RALGPS1: variants seen among roughly 807,000 people sequenced by gnomAD.
RALGPS1 encodes the protein Ral GEF with PH domain and SH3 binding motif 1, also known as ras-specific guanine nucleotide-releasing factor RalGPS1.
A neutral mutation model predicts 78.8 loss-of-function variants in RALGPS1; 19 were observed. The ratio of observed to expected loss-of-function variants is 0.24; its 90% CI spans 0.17 to 0.35. The LOEUF (loss-of-function observed/expected upper bound fraction) is 0.35, where lower values mean the gene tolerates loss of function less well. RALGPS1 is among the 10% of genes least tolerant of loss of function. The pLI is 1.00. For synonymous variants in RALGPS1, 228 were observed against 256.3 expected (o/e 0.89, Z 1.06); for missense variants, 454 against 688.3 (o/e 0.66, Z 3.81).
rs147975663 is a variant in RALGPS1, at chr9:126,990,254, C to T, written c.216+12509C>T. The T allele has an allele frequency of 5.4e-4, 258 of 474,170 alleles. 1 individual carries two copies. Among genetic ancestry groups the T allele is most frequent in the African/African-American group, 4.5e-3 (231 of 51,210 alleles). 29.4% of individuals were successfully genotyped at this position (474,170 alleles called of 1,614,324 possible). A position where few individuals can be genotyped will look rare whatever the true frequency, so the allele number is the denominator to read the frequency against. ...TGGGCAGTTTTCTCAGACCATCTCT[C>T]TCTGCTACACCAACCTAGTCTAATC... On this transcript the variant is annotated intron_variant, in intron 4 of 18. Coordinates refer to ENST00000259351, the MANE Select transcript of RALGPS1 (RefSeq NM_014636.3).
chr9:127,050,684 C>T (rs1005684089), intron 6 of RALGPS1, among the ~76,000 whole-genome samples: 2 of 152,056 alleles, frequency 1.3e-5, no homozygotes, highest in African/African-American at 2.4e-5. Flanking sequence ...CACCTTTTCC[C>T]TTCTTTTCCC....
At chr9:127,089,205 A>G in intron 8 of RALGPS1, 1 of 1,554,716 alleles carries the variant, frequency 6.4e-7, no homozygotes, top group Non-Finnish European at 8.9e-7. Flanking sequence ...CATAGTGCTC[A>G]GGGCTTTCGG....
chr9:127,136,650 C>T (rs950566300), intron 8 of RALGPS1, among the ~76,000 whole-genome samples: 3 of 151,934 alleles, frequency 2.0e-5, no homozygotes, highest in African/African-American at 7.2e-5. Flanking sequence ...CTGAGCTCAG[C>T]CCTGGCCCCC....
chr9:127,098,678 C>T (rs865905891), intron 8 of RALGPS1, among the ~76,000 whole-genome samples: 25 of 152,288 alleles, frequency 1.6e-4, no homozygotes, highest in African/African-American at 6.0e-4. Flanking sequence ...TTCCTCCTCT[C>T]TGGGGTTCTT....
intron 1 of RALGPS1, among the ~76,000 whole-genome samples, chr9:126,949,438 A>G (rs1346086209): frequency 3.3e-5 from 5 of 152,258 alleles, no homozygotes; most frequent in Admixed American, 6.5e-5. Flanking sequence ...AACAGCGTCA[A>G]AGTGTTCCTG....
At position 127,131,206 on chromosome 9, in the gene RALGPS1, C is replaced by G. The variant is rs149585591; in HGVS notation, c.611-34863C>G. On this transcript the variant is annotated intron_variant, in intron 8 of 18. Coordinates refer to ENST00000259351, the MANE Select transcript of RALGPS1 (RefSeq NM_014636.3). ...TTTCCTAGCAGCCTCTCATCCCTCT[C>G]CTGATTTGTTGCTTCTCACCCAGCT... 2.0e-5 allele frequency among the ~76,000 whole-genome samples: 3 copies of G among 152,324 alleles called. No homozygotes were observed. The South Asian group carries it at 6.2e-4, about 32-fold the overall frequency.
At chr9:127,045,669 A>G (rs1055406823) in intron 5 of RALGPS1, among the ~76,000 whole-genome samples, 1 of 151,876 alleles carries the variant, frequency 6.6e-6, no homozygotes. Flanking sequence ...GTTTAGCTTA[A>G]TACAGATATA....
intron 7 of RALGPS1, among the ~76,000 whole-genome samples, chr9:127,055,212 A>ATCTGTCTG (rs11281489): frequency 0.17 from 25,084 of 151,008 alleles, 3,252 homozygotes; most frequent in African/African-American, 0.37. Flanking sequence ...CTATCTATCT[A>ATCTGTCTG]TCTGTCTGTC....
At chr9:127,005,322 C>G (rs570736904) in intron 4 of RALGPS1, among the ~76,000 whole-genome samples, 3 of 152,328 alleles carry the variant, frequency 2.0e-5, no homozygotes, top group Non-Finnish European at 4.4e-5. Context: ...GCAAACAGTT[C>G]CTTTGCCAAG....
At chr9:127,162,982 T>C (rs1159774555) in intron 8 of RALGPS1, among the ~76,000 whole-genome samples, 1 of 152,168 alleles carries the variant, frequency 6.6e-6, no homozygotes, top group Non-Finnish European at 1.5e-5. Flanking sequence ...TTTCTCCTCC[T>C]ACTTTCCAGG....
intron 4 of RALGPS1, among the ~76,000 whole-genome samples, chr9:127,011,915 A>G (rs1380597288): frequency 6.6e-6 from 1 of 152,188 alleles, no homozygotes; most frequent in African/African-American, 2.4e-5. Context: ...GGAAGAAGCC[A>G]GATTATTTTA....
At chr9:127,018,087 G>GCACCTGTAATCC (rs2045048145) in intron 4 of RALGPS1, among the ~76,000 whole-genome samples, 1 of 152,034 alleles carries the variant, frequency 6.6e-6, no homozygotes, top group South Asian at 2.1e-4. Flanking sequence ...GCATGTTGGT[G>GCACCTGTAATCC]CACCTGTAAT....
At chr9:127,075,495 ATTC>A (rs1589331200) in intron 8 of RALGPS1, among the ~76,000 whole-genome samples, 1 of 152,244 alleles carries the variant, frequency 6.6e-6, no homozygotes, top group African/African-American at 2.4e-5. Context: ...CAGGTTGTGT[ATTC>A]TTCTCAAAAA....
chr9:127,121,165 A>G (rs747345685), intron 8 of RALGPS1, among the ~76,000 whole-genome samples: 27 of 152,236 alleles, frequency 1.8e-4, no homozygotes, highest in Non-Finnish European at 2.8e-4. Context: ...TGAGGATTCT[A>G]CAAGTTGAGT....
At chr9:127,052,192 A>G (rs1182454540) in intron 6 of RALGPS1, among the ~76,000 whole-genome samples, 1 of 152,224 alleles carries the variant, frequency 6.6e-6, no homozygotes, top group Admixed American at 6.5e-5. Context: ...TTGACTCCCA[A>G]GAAAGAGAAA....
chr9:127,047,895 T>G (rs1047791075), intron 5 of RALGPS1, among the ~76,000 whole-genome samples: 3 of 148,372 alleles, frequency 2.0e-5, no homozygotes, highest in East Asian at 1.9e-4. Flanking sequence ...GAAAAGAAAA[T>G]AAAATAAAAA....
chr9:126,976,694 C>A (rs1290025522), intron 3 of RALGPS1, among the ~76,000 whole-genome samples: 1 of 152,192 alleles, frequency 6.6e-6, no homozygotes, highest in Non-Finnish European at 1.5e-5. Context: ...TCATGTCATC[C>A]TGGATGGCCT....
At chr9:126,950,841 C>T (rs1307211802) in intron 1 of RALGPS1, among the ~76,000 whole-genome samples, 15 of 142,390 alleles carry the variant, frequency 1.1e-4, no homozygotes, top group African/African-American at 3.4e-4. Context: ...GAAATAGAGA[C>T]AAAAAAAAAA....
intron 8 of RALGPS1, among the ~76,000 whole-genome samples, chr9:127,135,523 C>A (rs1379287362): frequency 1.3e-5 from 2 of 152,206 alleles, no homozygotes; most frequent in Non-Finnish European, 2.9e-5. Flanking sequence ...AATGGAGGAG[C>A]CAGGGCAAAG....
Sources: gnomAD v4.1 joint callset for allele counts (sites outside exome capture counted in the v4.1 genomes callset) on GRCh38, gnomAD v4.1.1 for gene constraint, MANE v1.5 for transcripts, NCBI Gene and HGNC (gene_info 2026-07-23, HGNC 2026-07-21) for gene names.